Variants in NXPH2 observed in about 807,000 individuals in gnomAD.
NXPH2 encodes the protein neurexophilin 2.
Under a neutral mutation model 19.8 loss-of-function variants are expected in NXPH2, and 5 were observed. That is an observed-to-expected ratio of 0.25 (90% CI 0.13 to 0.53). The LOEUF (loss-of-function observed/expected upper bound fraction) is 0.53. Ranked by LOEUF, NXPH2 falls within the 20% of genes least tolerant of loss-of-function variation. The probability of loss-of-function intolerance (pLI) is 0.96; values close to 1 mark genes in which losing one functional copy is unlikely to be tolerated. For missense variants in NXPH2, 289 were observed against 322.8 expected, an observed-to-expected ratio of 0.90 and a Z score of 0.80; for synonymous variants, 154 against 127.4, an observed-to-expected ratio of 1.21 and a Z score of -1.41.
chr2:138,750,963 C>G (rs1160497353), intron 1 of NXPH2, among the ~76,000 whole-genome samples: 2 of 152,078 alleles, frequency 1.3e-5, no homozygotes, highest in Non-Finnish European at 2.9e-5. Context: ...GCCAAGTCAT[C>G]TAGGCCTTCT....
intron 1 of NXPH2, among the ~76,000 whole-genome samples, chr2:138,714,763 C>A (rs1329026139): frequency 1.3e-5 from 2 of 152,108 alleles, no homozygotes; most frequent in African/African-American, 2.4e-5. Flanking sequence ...CGGATTCATG[C>A]AAAAGAACAC....
intron 1 of NXPH2, among the ~76,000 whole-genome samples, chr2:138,710,701 A>C (rs1430355078): frequency 1.3e-5 from 2 of 152,186 alleles, no homozygotes; most frequent in South Asian, 2.1e-4. Context: ...TCTCAGGCCT[A>C]CAGTTCTCCA....
chr2:138,686,552 ATTTT>A (rs1680656043), intron 1 of NXPH2, among the ~76,000 whole-genome samples: 2 of 151,666 alleles, frequency 1.3e-5, no homozygotes, highest in Non-Finnish European at 2.9e-5. Flanking sequence ...TATTTATTTT[ATTTT>A]ATTTTTTTAT....
chr2:138,707,636 A>G (rs1681037810), intron 1 of NXPH2, among the ~76,000 whole-genome samples: 1 of 149,396 alleles, frequency 6.7e-6, no homozygotes, highest in African/African-American at 2.4e-5. Flanking sequence ...TGGGAAGCTT[A>G]TGCACATTTG....
At chr2:138,672,956 A>G (rs1245866844) in intron 1 of NXPH2, among the ~76,000 whole-genome samples, 1 of 152,214 alleles carries the variant, frequency 6.6e-6, no homozygotes, top group Non-Finnish European at 1.5e-5. Flanking sequence ...AAATCCTAAC[A>G]GGGCTTTGTG....
intron 1 of NXPH2, among the ~76,000 whole-genome samples, chr2:138,729,784 C>G (rs1681418079): frequency 6.6e-6 from 1 of 152,106 alleles, no homozygotes; most frequent in Admixed American, 6.6e-5. Flanking sequence ...CAAACATGAC[C>G]CTGTATCTTT....
At chr2:138,768,471 G>A (rs975537094) in intron 1 of NXPH2, among the ~76,000 whole-genome samples, 7 of 152,154 alleles carry the variant, frequency 4.6e-5, no homozygotes, top group Non-Finnish European at 1.0e-4. Context: ...AAGCTAAGGC[G>A]TATGACCCAA....
intron 1 of NXPH2, among the ~76,000 whole-genome samples, chr2:138,761,186 T>C (rs1682009459): frequency 6.6e-6 from 1 of 152,110 alleles, no homozygotes; most frequent in Non-Finnish European, 1.5e-5. Flanking sequence ...GCATATCCAG[T>C]CCACCTCAAG....
intron 1 of NXPH2, among the ~76,000 whole-genome samples, chr2:138,725,754 G>C (rs1372255733): frequency 2.6e-5 from 4 of 152,130 alleles, no homozygotes; most frequent in African/African-American, 9.7e-5. Context: ...CAGCTTCAGT[G>C]ATCAGTGGCT....
chr2:138,696,787 A>G (rs1391019087), intron 1 of NXPH2, among the ~76,000 whole-genome samples: 1 of 152,192 alleles, frequency 6.6e-6, no homozygotes, highest in African/African-American at 2.4e-5. Flanking sequence ...TGTCTAAGCA[A>G]AGACTTTTAC....
chr2:138,676,164 A>T (rs1680481713), intron 1 of NXPH2, among the ~76,000 whole-genome samples: 1 of 152,176 alleles, frequency 6.6e-6, no homozygotes, highest in Non-Finnish European at 1.5e-5. Context: ...CTAAACCCAA[A>T]TCTCAAAAAG....
At chr2:138,774,848 A>C (rs571256273) in intron 1 of NXPH2, among the ~76,000 whole-genome samples, 1 of 152,350 alleles carries the variant, frequency 6.6e-6, no homozygotes, top group Admixed American at 6.5e-5. Context: ...CATGAAATTC[A>C]TTGTTCTTCC....
At chr2:138,772,241 T>C (rs562222379) in intron 1 of NXPH2, among the ~76,000 whole-genome samples, 2 of 152,226 alleles carry the variant, frequency 1.3e-5, no homozygotes, top group African/African-American at 2.4e-5. Context: ...TAACTTAACA[T>C]GAAAATGGCA....
chr2:138,703,196 G>A (rs2104983295), intron 1 of NXPH2, among the ~76,000 whole-genome samples: 1 of 152,202 alleles, frequency 6.6e-6, no homozygotes, highest in South Asian at 2.1e-4. Context: ...TGTTGATGCA[G>A]GGAAATAAAA....
At chr2:138,679,017 A>G (rs1175360354) in intron 1 of NXPH2, among the ~76,000 whole-genome samples, 2 of 152,188 alleles carry the variant, frequency 1.3e-5, no homozygotes, top group Non-Finnish European at 2.9e-5. Context: ...TGACAGTCAG[A>G]TATTTTCCAC....
At chr2:138,726,947 ATCCC>A in intron 1 of NXPH2, among the ~76,000 whole-genome samples, 1 of 152,208 alleles carries the variant, frequency 6.6e-6, no homozygotes, top group East Asian at 1.9e-4. Context: ...CTCTCTATTC[ATCCC>A]TCCCTCCCTG....
intron 1 of NXPH2, among the ~76,000 whole-genome samples, chr2:138,687,331 T>G (rs551107311): frequency 3.9e-4 from 60 of 152,326 alleles, no homozygotes; most frequent in Admixed American, 5.9e-4. Flanking sequence ...TCATGTGTCT[T>G]TTGGCTGCAT....
intron 1 of NXPH2, among the ~76,000 whole-genome samples, chr2:138,685,398 C>T (rs374599395): frequency 1.3e-5 from 2 of 152,326 alleles, no homozygotes; most frequent in East Asian, 3.9e-4. Flanking sequence ...ATCTTACTTT[C>T]ATTAACTCAG....
At chr2:138,710,922 C>T (rs892622568) in intron 1 of NXPH2, among the ~76,000 whole-genome samples, 2 of 152,118 alleles carry the variant, frequency 1.3e-5, no homozygotes, top group East Asian at 1.9e-4. Flanking sequence ...TTCCTTGGGC[C>T]ACTCAGCATC....
Sources: allele counts gnomAD v4.1 joint callset (sites outside exome capture counted in the v4.1 genomes callset), GRCh38; gene constraint gnomAD v4.1.1; transcripts MANE v1.5; gene names NCBI Gene and HGNC (gene_info 2026-07-23, HGNC 2026-07-21).